Variants in CFAP47 observed in about 807,000 individuals in gnomAD.
CFAP47 encodes cilia- and flagella-associated protein 47.
In CFAP47, 29 loss-of-function variants were observed where a neutral mutation model predicts 148.1. That is an observed-to-expected ratio of 0.20 (90% confidence interval 0.15 to 0.27). The LOEUF is 0.27. Ranked by LOEUF, CFAP47 falls within the 10% of genes least tolerant of loss-of-function variation. CFAP47 has a pLI of 1.00. For missense variants in CFAP47, 1,872 were observed against 1,697.5 expected (o/e 1.10, Z -1.81); for synonymous variants, 664 against 577.3 (o/e 1.15, Z -2.15).
intron 2 of CFAP47, among the ~76,000 whole-genome samples, chrX:35,931,350 T>C (rs1027047954): frequency 9.0e-5 from 10 of 111,282 alleles, no homozygotes; most frequent in Non-Finnish European, 1.7e-4. Flanking sequence ...CACTTTTTTT[T>C]CTAAGTAAAA....
intron 49 of CFAP47, among the ~76,000 whole-genome samples, chrX:36,255,780 C>T (rs1162452851): frequency 9.0e-6 from 1 of 111,436 alleles, no homozygotes; most frequent in Non-Finnish European, 1.9e-5. Flanking sequence ...CAAAGTGAAA[C>T]CAATAACTGT....
intron 49 of CFAP47, among the ~76,000 whole-genome samples, chrX:36,265,236 G>T (rs1462654722): frequency 8.9e-6 from 1 of 111,954 alleles, no homozygotes; most frequent in African/African-American, 3.3e-5. Context: ...AAATGCTACT[G>T]ATTTTTTTGT....
At chrX:36,261,484 T>C (rs1940822315) in intron 49 of CFAP47, among the ~76,000 whole-genome samples, 1 of 106,988 alleles carries the variant, frequency 9.3e-6, no homozygotes, top group Non-Finnish European at 1.9e-5. Context: ...CCTTCCTCAG[T>C]GTTTGTGTCC....
intron 49 of CFAP47, among the ~76,000 whole-genome samples, chrX:36,261,555 C>G (rs782217913): frequency 2.9e-4 from 31 of 107,144 alleles, no homozygotes; most frequent in African/African-American, 1.0e-3. Flanking sequence ...CTTCAAGCAT[C>G]TGTTTAACAA....
chrX:36,235,214 C>T (rs782598393), intron 46 of CFAP47, among the ~76,000 whole-genome samples: 6 of 111,959 alleles, frequency 5.4e-5, no homozygotes, highest in Non-Finnish European at 9.4e-5. Flanking sequence ...GTGCCCTGCC[C>T]CCAGAGGTGG....
At chrX:35,954,500 G>T (rs1285686749) in intron 7 of CFAP47, among the ~76,000 whole-genome samples, 1 of 111,393 alleles carries the variant, frequency 9.0e-6, no homozygotes, top group African/African-American at 3.3e-5. Flanking sequence ...TGTGTTTTGT[G>T]ATATTGAGCT....
At chrX:35,955,804 G>A (rs1392031537) in intron 7 of CFAP47, among the ~76,000 whole-genome samples, 157 bp from the exon 8 acceptor site, 1 of 112,823 alleles carries the variant, frequency 8.9e-6, no homozygotes, top group Non-Finnish European at 1.9e-5. Flanking sequence ...TCCGCAAGGC[G>A]TGACACAGAG....
chrX:36,228,875 C>G (rs1283311531), intron 46 of CFAP47, 51 bp downstream of exon 46: 1 of 488,230 alleles, frequency 2.0e-6, no homozygotes, highest in African/African-American at 2.4e-5. Flanking sequence ...GCCACTGTGT[C>G]AATTAAAGTC....
chrX:35,993,337 T>C lies in CFAP47; in HGVS notation c.3099+16T>C, dbSNP rs180762824. 27 of 290,498 alleles carry C rather than the reference T, an allele frequency of 9.3e-5. No individual in the cohort carries two copies. The highest frequency in any genetic ancestry group is 7.2e-4 in the African/African-American group (26 of 36,165). The allele number at this position is 290,498 out of a possible 1,213,427, so 23.9% of individuals were successfully genotyped here. On this transcript the variant is annotated intron_variant, in intron 18 of 63. Transcript: ENST00000378653. ...AAGAGCAAAGGTATGTCCATACATATGAGTTTTTGCACCTTACATATGTCT... is the reference window on the plus strand; with the variant it reads ...AAGAGCAAAGGTATGTCCATACATACGAGTTTTTGCACCTTACATATGTCT...
intron 2 of CFAP47, among the ~76,000 whole-genome samples, chrX:35,937,104 GT>G (rs377601530): frequency 9.5e-4 from 53 of 55,535 alleles, no homozygotes; most frequent in South Asian, 1.9e-3. Context: ...TGCAATTGCT[GT>G]TTTTTTTTTT....
In CFAP47 at chrX:36,035,157, C is replaced by G. The variant is rs116314289; in HGVS notation, c.3652-538C>G. Among the ~76,000 whole-genome samples, 434 of 111,326 alleles carry G rather than the reference C, an allele frequency of 3.9e-3. 2 individuals are homozygous for G. The highest frequency in any genetic ancestry group is 0.014 in the African/African-American group (422 of 30,798). ...TTTACTTATTTTTTAATCCTAACTT[C>G]AAATAAAGAAGTTTCAGAATTTCTA... On this transcript the variant is annotated intron_variant, in intron 23 of 63. Coordinates refer to ENST00000378653, the MANE Select transcript of CFAP47 (RefSeq NM_001304548.2).
chrX:36,092,216 C>G (rs1270256228), intron 30 of CFAP47, among the ~76,000 whole-genome samples: 1 of 110,874 alleles, frequency 9.0e-6, no homozygotes, highest in African/African-American at 3.3e-5. Flanking sequence ...AATATGCTAC[C>G]ACAAGAATAT....
At chrX:36,239,182 G>A (rs1940509872) in intron 48 of CFAP47, among the ~76,000 whole-genome samples, 1 of 112,110 alleles carries the variant, frequency 8.9e-6, no homozygotes, top group Admixed American at 9.5e-5. Flanking sequence ...TAATAAAGAA[G>A]ACAAGAGATG....
At chrX:35,937,104 G>GTTTTTTTTTTT (rs377601530) in intron 2 of CFAP47, among the ~76,000 whole-genome samples, 2 of 55,538 alleles carry the variant, frequency 3.6e-5, no homozygotes, top group African/African-American at 6.4e-5. Context: ...TGCAATTGCT[G>GTTTTTTTTTTT]TTTTTTTTTT....
At chrX:35,934,750 G>A (rs1935884778) in intron 2 of CFAP47, among the ~76,000 whole-genome samples, 1 of 110,802 alleles carries the variant, frequency 9.0e-6, no homozygotes, top group Non-Finnish European at 1.9e-5. Flanking sequence ...GTTACTCAGG[G>A]CCCAAGGGCT....
chrX:36,098,673 A>T (rs777079640), intron 30 of CFAP47, 120 bp from the exon 31 acceptor site: 45 of 352,346 alleles, frequency 1.3e-4, no homozygotes, highest in African/African-American at 1.2e-3. Flanking sequence ...TTTAAATTTG[A>T]AAAATAAAAT....
At chrX:36,132,110 AT>A (rs1327169096) in intron 33 of CFAP47, among the ~76,000 whole-genome samples, 2 of 111,405 alleles carry the variant, frequency 1.8e-5, no homozygotes, top group Non-Finnish European at 3.8e-5. Context: ...AAATTGACTA[AT>A]TTTTTCTAAA....
chrX:35,970,984 T>A, intron 11 of CFAP47, 61 bp downstream of exon 11: 1 of 954,424 alleles, frequency 1.0e-6, no homozygotes, highest in Non-Finnish European at 1.4e-6. Context: ...GTCAGAATTT[T>A]TTTTTAACTC....
intron 39 of CFAP47, among the ~76,000 whole-genome samples, chrX:36,178,768 G>A (rs370933809): frequency 1.4e-3 from 152 of 111,693 alleles, no homozygotes; most frequent in Non-Finnish European, 2.5e-3. Flanking sequence ...AGGCAAAAAT[G>A]TTTGTGTTTC....
Sources: gnomAD v4.1 joint callset for allele counts (sites outside exome capture counted in the v4.1 genomes callset) on GRCh38, gnomAD v4.1.1 for gene constraint, MANE v1.5 for transcripts, NCBI Gene and HGNC (gene_info 2026-07-23, HGNC 2026-07-21) for gene names.